Variants in KPNA3 observed in about 807,000 individuals in gnomAD.
KPNA3 encodes karyopherin subunit alpha 3, also known as importin subunit alpha-4.
A neutral mutation model predicts 73.8 loss-of-function variants in KPNA3; 13 were observed. That is an observed-to-expected ratio of 0.18 (90% CI 0.11 to 0.28). The LOEUF is 0.28. Ranked by LOEUF, KPNA3 falls within the 10% of genes least tolerant of loss-of-function variation. The pLI is 1.00. For synonymous variants in KPNA3, 186 were observed against 206.9 expected (o/e 0.90, Z 0.87); for missense variants, 360 against 618.1 (o/e 0.58, Z 4.43).
Position 49,701,681 on chromosome 13 carries a change from C to T in KPNA3, c.*119G>A, listed in dbSNP as rs1305105896. On this transcript the variant is annotated 3_prime_UTR_variant, in exon 17 of 17. Transcript: ENST00000261667. The stretch of plus-strand genomic sequence containing the variant: ...ACTGAGACATGGCTTGCTTTAGAAG[C>T]ATCAAAACAAAGAGGCATGTGTGTT... 1.3e-6 allele frequency: 1 copy of T among 782,626 alleles called. No homozygotes were observed. The highest frequency in any genetic ancestry group is 2.4e-5 in the East Asian group (1 of 40,856). The allele number at this position is 782,626 out of a possible 1,614,324, so 48.5% of individuals were successfully genotyped here.
At chr13:49,729,623 TAAA>T (rs1392688237) in intron 6 of KPNA3, among the ~76,000 whole-genome samples, 2 of 151,380 alleles carry the variant, frequency 1.3e-5, no homozygotes, top group African/African-American at 4.9e-5. Flanking sequence ...CTACTAGAAA[TAAA>T]AAAATTAGCT....
intron 15 of KPNA3, among the ~76,000 whole-genome samples, chr13:49,704,176 C>A (rs1023873286): frequency 2.0e-5 from 3 of 152,136 alleles, no homozygotes; most frequent in Non-Finnish European, 4.4e-5. Context: ...AATCCCAGCA[C>A]TTTGGGAAGC....
At chr13:49,723,530 C>A (rs1164693434) in intron 7 of KPNA3, among the ~76,000 whole-genome samples, 3 of 151,716 alleles carry the variant, frequency 2.0e-5, no homozygotes, top group Non-Finnish European at 4.4e-5. Context: ...GATCGTGCCA[C>A]TGCACTCCAG....
intron 1 of KPNA3, among the ~76,000 whole-genome samples, chr13:49,758,547 T>C (rs1265654343): frequency 6.6e-6 from 1 of 152,028 alleles, no homozygotes; most frequent in East Asian, 1.9e-4. Flanking sequence ...AGCAAATGAG[T>C]AAAAATGTCA....
rs775705842 is a variant in KPNA3 at position 49,705,606 on chromosome 13, T to A, written c.1372+15A>T. The A allele has an allele frequency of 2.5e-6, 4 of 1,609,814 alleles. No individual in the cohort carries two copies. In the South Asian group the frequency reaches 3.3e-5, roughly 13 times the overall value. ...CCAGTGCTCAAATACTCTTCTTCCA[T>A]CAATCCACTCTTACCTCCACATTCC... On this transcript the variant is annotated intron_variant, in intron 15 of 16. Transcript: ENST00000261667.
At chr13:49,738,731 T>TA (rs1335576564) in intron 2 of KPNA3, among the ~76,000 whole-genome samples, 2 of 152,246 alleles carry the variant, frequency 1.3e-5, no homozygotes, top group African/African-American at 4.8e-5. Flanking sequence ...AGCTTTCTGA[T>TA]AGATTCCTTG....
chr13:49,720,170 A>G (rs1275528422), intron 9 of KPNA3, among the ~76,000 whole-genome samples: 2 of 152,230 alleles, frequency 1.3e-5, no homozygotes, highest in African/African-American at 4.8e-5. Flanking sequence ...AGTTACAGCT[A>G]TTTAAGAAAA....
chr13:49,763,374 G>A (rs1482947812), intron 1 of KPNA3, among the ~76,000 whole-genome samples: 2 of 151,906 alleles, frequency 1.3e-5, no homozygotes, highest in Non-Finnish European at 2.9e-5. Context: ...AATAAAAGAG[G>A]GCCAAAGATG....
chr13:49,772,563 G>A (rs559938414), intron 1 of KPNA3, among the ~76,000 whole-genome samples: 25 of 152,300 alleles, frequency 1.6e-4, no homozygotes, highest in African/African-American at 5.8e-4. Context: ...ATCACTTTGG[G>A]AGGCTGAGGC....
chr13:49,734,954 T>TAGAGAGAGAGAG lies in KPNA3; in HGVS notation c.115-1920_115-1909dup, dbSNP rs10675449. Among the ~76,000 whole-genome samples the TAGAGAGAGAGAG allele has an allele frequency of 7.6e-3, 1,112 of 145,828 alleles. 16 individuals are homozygous for TAGAGAGAGAGAG. The highest frequency in any genetic ancestry group is 7.1e-3 in the Middle Eastern group (2 of 280). ...ATATATATATAGAGAGAGAGATAGA[T>TAGAGAGAGAGAG]AGAGAGAGAGAGAGAGAGAGACATT... On this transcript the variant is annotated intron_variant, in intron 2 of 16. Transcript: ENST00000261667.
chr13:49,727,666 AT>A (rs903420799), intron 6 of KPNA3, among the ~76,000 whole-genome samples: 2 of 152,000 alleles, frequency 1.3e-5, no homozygotes, highest in African/African-American at 2.4e-5. Context: ...ATGGATTTCA[AT>A]TTTTTTGCAC....
intron 1 of KPNA3, among the ~76,000 whole-genome samples, chr13:49,770,982 G>C (rs938857821): frequency 6.6e-5 from 10 of 151,764 alleles, no homozygotes; most frequent in African/African-American, 2.4e-4. Flanking sequence ...CTATAGGTTT[G>C]CTTGTTCTGT....
At chr13:49,722,936 G>A (rs1315167821) in intron 7 of KPNA3, among the ~76,000 whole-genome samples, 1 of 145,418 alleles carries the variant, frequency 6.9e-6, no homozygotes, top group African/African-American at 2.6e-5. Context: ...ATTAACCAAA[G>A]AACTGATTAA....
chr13:49,752,974 C>A (rs1954677264), intron 1 of KPNA3, among the ~76,000 whole-genome samples: 1 of 132,254 alleles, frequency 7.6e-6, no homozygotes, highest in Non-Finnish European at 1.5e-5. Context: ...TTGCGGTGAG[C>A]CGAGATTGCG....
rs761881850 is a variant in KPNA3, at chr13:49,702,484, G to A, written c.1373-4C>T. 4.8e-6 allele frequency: 7 copies of A among 1,443,670 alleles called. No homozygotes were observed. Among genetic ancestry groups the A allele is most frequent in the Non-Finnish European group, 6.7e-6 (7 of 1,038,134 alleles). 89.4% of individuals were successfully genotyped at this position (1,443,670 alleles called of 1,614,324 possible). A position where few individuals can be genotyped will look rare whatever the true frequency, so the allele number is the denominator to read the frequency against. Reference sequence around the variant, plus strand: ...AAAACTTCAATTTTCTCCAAACCTGGTAAAAATAAAATAATCAAAATAACT... The same window carrying A: ...AAAACTTCAATTTTCTCCAAACCTGATAAAAATAAAATAATCAAAATAACT... On this transcript the variant is annotated splice_region_variant and splice_polypyrimidine_tract_variant and intron_variant, in intron 15 of 16. Coordinates refer to ENST00000261667, the MANE Select transcript of KPNA3 (RefSeq NM_002267.4).
chr13:49,705,000 T>C (rs1393192686), intron 15 of KPNA3, among the ~76,000 whole-genome samples: 1 of 152,212 alleles, frequency 6.6e-6, no homozygotes, highest in Non-Finnish European at 1.5e-5. Context: ...TTATGTAGTG[T>C]TGTAAGGGCT....
At chr13:49,710,601 G>A (rs1435628124) in intron 11 of KPNA3, among the ~76,000 whole-genome samples, 2 of 152,246 alleles carry the variant, frequency 1.3e-5, no homozygotes, top group African/African-American at 4.8e-5. Context: ...AGAAGAGCAG[G>A]TTTGTGGGAG....
At chr13:49,711,131 A>G in intron 10 of KPNA3, 109 bp from the exon 11 acceptor site, 1 of 979,244 alleles carries the variant, frequency 1.0e-6, no homozygotes, top group East Asian at 2.8e-5. Context: ...TTCAAGTTTT[A>G]GCTTAGTGGC....
At chr13:49,710,630 T>A (rs1954251265) in intron 11 of KPNA3, among the ~76,000 whole-genome samples, 1 of 152,232 alleles carries the variant, frequency 6.6e-6, no homozygotes. Flanking sequence ...TTCATTTCTG[T>A]CTAGTTAACC....
Sources: allele counts gnomAD v4.1 joint callset (sites outside exome capture counted in the v4.1 genomes callset), GRCh38; gene constraint gnomAD v4.1.1; transcripts MANE v1.5; gene names NCBI Gene and HGNC (gene_info 2026-07-23, HGNC 2026-07-21).